BIN1: variants seen among roughly 807,000 people sequenced by gnomAD.
BIN1 encodes the protein bridging integrator 1, also known as myc box-dependent-interacting protein 1.
A neutral mutation model predicts 82.0 loss-of-function variants in BIN1; 53 were observed. The ratio of observed to expected loss-of-function variants is 0.65; its 90% CI spans 0.52 to 0.81. The LOEUF (loss-of-function observed/expected upper bound fraction) is 0.81. Among genes scored for constraint, BIN1 ranks in the 40% least tolerant of loss-of-function variants. The pLI, the probability that BIN1 is intolerant of heterozygous loss-of-function variation, is 0.00. For missense variants in BIN1, 642 were observed against 784.4 expected (o/e 0.82, Z 2.17); for synonymous variants, 302 against 328.0 (o/e 0.92, Z 0.86).
chr2:127,088,563 C>A (rs1678484860), intron 1 of BIN1, among the ~76,000 whole-genome samples: 1 of 152,070 alleles, frequency 6.6e-6, no homozygotes, highest in Admixed American at 6.5e-5. Context: ...TAGTGAGATC[C>A]TACCCCTACC....
rs1394280396 is a variant in BIN1 at position 127,090,579 on chromosome 2, C to T, written c.85-13873G>A. ...CATAAACACACGGTGGAATCTGCTT[C>T]TCCAGCCCACCCGCCTCCCACCCTC... On this transcript the variant is annotated intron_variant, in intron 1 of 18. Transcript: ENST00000316724. This position sits in a 1 kb window ranked among gnomAD's most constrained non-coding sequence, Gnocchi z 6.4. 3.9e-5 allele frequency among the ~76,000 whole-genome samples: 6 copies of T among 152,230 alleles called. No individual in the cohort carries two copies. In the East Asian group the frequency reaches 1.2e-3, roughly 29 times the overall value.
intron 12 of BIN1, among the ~76,000 whole-genome samples, chr2:127,056,835 G>A (rs141320285): frequency 3.4e-3 from 522 of 152,346 alleles, no homozygotes; most frequent in Middle Eastern, 0.01. Context: ...AAGACCTGGG[G>A]CTGTGGGCCA....
At chr2:127,073,392 C>T (rs1383492940) in intron 2 of BIN1, among the ~76,000 whole-genome samples, 1 of 152,222 alleles carries the variant, frequency 6.6e-6, no homozygotes, top group Non-Finnish European at 1.5e-5. Flanking sequence ...CAGAGCCCAG[C>T]TGGGGGAAGA....
intron 1 of BIN1, among the ~76,000 whole-genome samples, chr2:127,085,657 C>T (rs1323037628): frequency 2.0e-5 from 3 of 152,144 alleles, no homozygotes; most frequent in Non-Finnish European, 4.4e-5. Flanking sequence ...AGAGCGAGCC[C>T]AGGGTGGCCA....
At chr2:127,076,070 C>T (rs1205066860) in intron 2 of BIN1, among the ~76,000 whole-genome samples, 1 of 150,310 alleles carries the variant, frequency 6.7e-6, no homozygotes. Flanking sequence ...CTCCCAGCTA[C>T]TCCCAGGCCC....
Position 127,059,164 on chromosome 2 carries a change from G to A in BIN1, c.858-9C>T, listed in dbSNP as rs1350410294. On this transcript the variant is annotated splice_polypyrimidine_tract_variant and intron_variant, in intron 10 of 18. Transcript: ENST00000316724. This position sits in a 1 kb window ranked among gnomAD's most constrained non-coding sequence, Gnocchi z 6.7. ...TTGCAGGCGCGTTGTCACTGTGGGG[G>A]AGGACAAGAAAGGGAGCCCAGTGTT... 2 of 1,568,910 alleles carry A rather than the reference G, an allele frequency of 1.3e-6. No individual in the cohort carries two copies. Among genetic ancestry groups the A allele is most frequent in the Non-Finnish European group, 1.7e-6 (2 of 1,157,394 alleles).
chr2:127,086,121 C>T (rs1270019990), intron 1 of BIN1, among the ~76,000 whole-genome samples: 3 of 152,190 alleles, frequency 2.0e-5, no homozygotes, highest in African/African-American at 7.2e-5. Context: ...ATCCCTAGGC[C>T]ACCCTGAGGT....
At position 127,066,528 on chromosome 2, in the gene BIN1, C is replaced by A. The variant is rs75545565; in HGVS notation, c.612+1635G>T. Among the ~76,000 whole-genome samples, 1,039 of 152,324 alleles carry A rather than the reference C, an allele frequency of 6.8e-3. 14 individuals carry two copies. The highest frequency in any genetic ancestry group is 0.024 in the African/African-American group (988 of 41,564). Reference sequence around the variant, plus strand: ...AAATTATTCAGAAACCCGGGCCCTCCGTCAGTAGTCCCATTCCCTTCTAGC... The same window carrying A: ...AAATTATTCAGAAACCCGGGCCCTCAGTCAGTAGTCCCATTCCCTTCTAGC... On this transcript the variant is annotated intron_variant, in intron 7 of 18. Transcript: ENST00000316724.
intron 1 of BIN1, among the ~76,000 whole-genome samples, chr2:127,102,967 G>A (rs1573827080): frequency 6.6e-6 from 1 of 152,332 alleles, no homozygotes; most frequent in East Asian, 1.9e-4. Flanking sequence ...AGACATTCAA[G>A]GACAGAAGGA....
rs184358580 is a variant in BIN1 at position 127,063,610 on chromosome 2, G to A, written c.735C>T (p.Ile245=). The A allele has an allele frequency of 4.3e-5, 70 of 1,613,978 alleles. No homozygotes were observed. Among genetic ancestry groups the A allele is most frequent in the African/African-American group, 2.4e-4 (18 of 75,040 alleles). Residue 245 remains isoleucine, a synonymous_variant, in exon 9 of 19, where the codon ATC becomes ATT. Coordinates refer to ENST00000316724, the MANE Select transcript of BIN1 (RefSeq NM_139343.3). The stretch of plus-strand genomic sequence containing the variant: ...TGTGGAAGTTTTCCTCCAGGCCCGC[G>A]ATGCTCTGGAACGTGTTGACGTAGA... ...VGFYVNTFQS[I]AGLEENFHKE...
At chr2:127,052,398 G>C in intron 14 of BIN1, 36 bp from the exon 15 acceptor site, 1 of 1,540,804 alleles carries the variant, frequency 6.5e-7, no homozygotes, top group Non-Finnish European at 8.8e-7. Context: ...CAGGGAGGGG[G>C]CGGGGAGGCC....
At position 127,097,312 on chromosome 2, in the gene BIN1, TGTCATCCCTCCAGGCCCAGGAGC is replaced by T. The variant is rs879577950; in HGVS notation, c.84+9525_84+9547del. Among the ~76,000 whole-genome samples the T allele has an allele frequency of 7.2e-3, 1,040 of 144,342 alleles. 5 individuals carry two copies. Among genetic ancestry groups the T allele is most frequent in the Non-Finnish European group, 0.012 (757 of 65,090 alleles). 94.7% of individuals were successfully genotyped at this position (144,342 alleles called of 152,430 possible). ...AGCGTCAGCCCTCCAGGCCCAGCAG[TGTCATCCCTCCAGGCCCAGGAGC>T]GTCACCCCTCCAGGCCCAGCAGCGT... On this transcript the variant is annotated intron_variant, in intron 1 of 18. Transcript: ENST00000316724.
intron 1 of BIN1, among the ~76,000 whole-genome samples, chr2:127,092,022 C>T (rs971987774): frequency 6.6e-5 from 10 of 152,050 alleles, no homozygotes; most frequent in African/African-American, 2.4e-4. Context: ...TACCTTTGGC[C>T]CTGCCCCTAG....
chr2:127,100,118 T>C (rs1348405506), intron 1 of BIN1, among the ~76,000 whole-genome samples: 1 of 152,214 alleles, frequency 6.6e-6, no homozygotes, highest in Non-Finnish European at 1.5e-5. Flanking sequence ...AGTGTTCTTT[T>C]AGACTGGAAT....
chr2:127,106,058 C>A lies in BIN1; in HGVS notation c.84+802G>T, dbSNP rs188771877. 9.5e-4 allele frequency among the ~76,000 whole-genome samples: 145 copies of A among 152,374 alleles called. 1 individual carries two copies. The highest frequency in any genetic ancestry group is 3.3e-3 in the African/African-American group (139 of 41,590). ...GGAGGCCCCGGCTCCATCCCCCATT[C>A]CAGCTCTCCGCGAGGAGGGGTCGGG... On this transcript the variant is annotated intron_variant, in intron 1 of 18. Coordinates refer to ENST00000316724, the MANE Select transcript of BIN1 (RefSeq NM_139343.3).
chr2:127,070,054 G>C lies in BIN1; in HGVS notation c.352C>G (p.Leu118Val). Residue 118 changes from leucine to valine, a missense_variant, in exon 5 of 19, where the codon CTG (leucine) becomes GTG (valine). Transcript: ENST00000316724. The stretch of plus-strand genomic sequence containing the variant: ...ATGGTCAGCAGCGCCTGGTCCACCA[G>C]CTTCTGGTGGTAATCCATCCACAGC... The part of the protein sequence containing the change: ...DLLWMDYHQK[L>V]VDQALLTMDT... 1.2e-6 allele frequency: 2 copies of C among 1,614,146 alleles called. No individual in the cohort carries two copies. Among genetic ancestry groups the C allele is most frequent in the Non-Finnish European group, 1.7e-6 (2 of 1,180,014 alleles).
chr2:127,053,076 G>C (rs1051591090), intron 14 of BIN1: 7 of 411,808 alleles, frequency 1.7e-5, no homozygotes, highest in African/African-American at 1.4e-4. Flanking sequence ...AGGCCCTCCT[G>C]CCCCACACCC....
chr2:127,080,570 G>A (rs1363447902), intron 1 of BIN1, among the ~76,000 whole-genome samples: 5 of 152,238 alleles, frequency 3.3e-5, no homozygotes, highest in Non-Finnish European at 5.9e-5. Context: ...ACAAAGGGGA[G>A]CCTTTGAAAA....
intron 1 of BIN1, among the ~76,000 whole-genome samples, chr2:127,094,403 C>T (rs530350788): frequency 5.3e-5 from 8 of 152,218 alleles, no homozygotes; most frequent in Admixed American, 3.3e-4. Context: ...CTAGCCTCCC[C>T]CTTCAGGATT....
Sources: gnomAD v4.1 joint callset for allele counts (sites outside exome capture counted in the v4.1 genomes callset) on GRCh38, gnomAD v4.1.1 for gene constraint, Gnocchi (gnomAD v3.1) non-coding constraint, MANE v1.5 for transcripts, NCBI Gene and HGNC (gene_info 2026-07-23, HGNC 2026-07-21) for gene names.